The following PTBP2 variants were observed in gnomAD, a reference collection of about 807,000 sequenced individuals.
PTBP2 encodes the protein polypyrimidine tract-binding protein 2.
In PTBP2, 13 loss-of-function variants were observed where a neutral mutation model predicts 61.4. The ratio of observed to expected loss-of-function variants is 0.21; its 90% confidence interval spans 0.14 to 0.34. The LOEUF (loss-of-function observed/expected upper bound fraction) is 0.34. PTBP2 is among the 10% of genes least tolerant of loss of function. PTBP2 has a pLI of 1.00. For synonymous variants in PTBP2, 215 were observed against 218.5 expected (o/e 0.98, Z 0.14); for missense variants, 405 against 642.6 (o/e 0.63, Z 4.00).
intron 8 of PTBP2, among the ~76,000 whole-genome samples, chr1:96,791,670 G>C (rs1027945811): frequency 6.6e-6 from 1 of 151,982 alleles, no homozygotes. Flanking sequence ...GATTCGCTAT[G>C]TTTTCTGCCA....
intron 3 of PTBP2, among the ~76,000 whole-genome samples, chr1:96,762,574 C>T (rs575130628): frequency 1.6e-4 from 20 of 128,784 alleles, no homozygotes; most frequent in African/African-American, 5.2e-4. Context: ...CCGGACGGGG[C>T]GGCTGGCCGG....
chr1:96,790,284 A>G (rs1256865666), intron 8 of PTBP2, among the ~76,000 whole-genome samples: 1 of 150,662 alleles, frequency 6.6e-6, no homozygotes, highest in East Asian at 1.9e-4. Context: ...TTTTTTTTGA[A>G]GTGTTTCTTG....
chr1:96,724,961 A>G (rs1020298601), intron 2 of PTBP2, among the ~76,000 whole-genome samples: 1 of 152,242 alleles, frequency 6.6e-6, no homozygotes, highest in African/African-American at 2.4e-5. Flanking sequence ...TCCTATAGTG[A>G]AATAGATATT....
chr1:96,741,669 T>G (rs1653048400), intron 2 of PTBP2, among the ~76,000 whole-genome samples: 1 of 152,208 alleles, frequency 6.6e-6, no homozygotes, highest in Non-Finnish European at 1.5e-5. Flanking sequence ...TGTTTTTCTT[T>G]TAAAAAAACA....
At chr1:96,799,246 C>T (rs1345298965) in intron 8 of PTBP2, among the ~76,000 whole-genome samples, 3 of 149,150 alleles carry the variant, frequency 2.0e-5, no homozygotes, top group Non-Finnish European at 4.4e-5. Flanking sequence ...GTTTATGAAG[C>T]TCTTTTACAT....
intron 8 of PTBP2, 50 bp downstream of exon 8, chr1:96,785,304 A>G: frequency 5.0e-6 from 7 of 1,397,596 alleles, no homozygotes; most frequent in Non-Finnish European, 6.7e-6. Flanking sequence ...GCCAAATGGA[A>G]AAGTACCAGT....
intron 2 of PTBP2, among the ~76,000 whole-genome samples, chr1:96,738,307 G>C (rs1019437291): frequency 6.6e-6 from 1 of 151,886 alleles, no homozygotes; most frequent in Non-Finnish European, 1.5e-5. Flanking sequence ...TTGTTTGTTT[G>C]TTTTGAGATG....
chr1:96,723,530 CAGG>C (rs1267389906), intron 1 of PTBP2, 31 bp from the exon 2 acceptor site: 2 of 1,558,738 alleles, frequency 1.3e-6, no homozygotes, highest in Admixed American at 3.4e-5. Context: ...AGAAGAATAA[CAGG>C]AGGTTGAAAC....
chr1:96,802,554 A>G (rs1388002899), intron 8 of PTBP2, among the ~76,000 whole-genome samples: 1 of 152,196 alleles, frequency 6.6e-6, no homozygotes, highest in Non-Finnish European at 1.5e-5. Flanking sequence ...AAGTGAAACC[A>G]GAAATTAAAG....
chr1:96,754,900 C>T (rs950456159), intron 3 of PTBP2, among the ~76,000 whole-genome samples: 3 of 152,008 alleles, frequency 2.0e-5, no homozygotes, highest in African/African-American at 7.2e-5. Flanking sequence ...ATTATAAAAT[C>T]TCTAGAAAAA....
intron 8 of PTBP2, among the ~76,000 whole-genome samples, chr1:96,792,228 G>GT (rs1229449984): frequency 1.3e-5 from 2 of 152,150 alleles, no homozygotes; most frequent in Non-Finnish European, 2.9e-5. Context: ...GGAGCCAAAA[G>GT]TTTGATGAAT....
rs1173414750 is a variant in PTBP2, at chr1:96,785,053, T to C, written c.709-6T>C. 2 of 1,535,508 alleles carry C rather than the reference T, an allele frequency of 1.3e-6. No individual in the cohort carries two copies. The highest frequency in any genetic ancestry group is 1.4e-5 in the African/African-American group (1 of 70,040). On this transcript the variant is annotated splice_polypyrimidine_tract_variant and splice_region_variant and intron_variant, in intron 7 of 13. Coordinates refer to ENST00000674951, the MANE Select transcript of PTBP2 (RefSeq NM_021190.4). Reference sequence around the variant, plus strand: ...GATTGCTGATATGCTTTATTCACTTTTACAGGCCCTAGATGGTCAGAATAT... The same window carrying C: ...GATTGCTGATATGCTTTATTCACTTCTACAGGCCCTAGATGGTCAGAATAT...
intron 11 of PTBP2, among the ~76,000 whole-genome samples, chr1:96,810,356 C>G (rs187248154): frequency 6.6e-6 from 1 of 152,134 alleles, no homozygotes. Flanking sequence ...GCTCTGTTTA[C>G]TCCTTGTGTA....
chr1:96,805,913 T>G (rs1661458630), intron 9 of PTBP2, among the ~76,000 whole-genome samples: 1 of 152,216 alleles, frequency 6.6e-6, no homozygotes, highest in Non-Finnish European at 1.5e-5. Flanking sequence ...ATTTACTCTT[T>G]GATATAGATG....
At chr1:96,763,758 C>T (rs78585869) in intron 3 of PTBP2, among the ~76,000 whole-genome samples, 240 of 152,094 alleles carry the variant, frequency 1.6e-3, no homozygotes, top group Non-Finnish European at 2.9e-3. Flanking sequence ...TACAAGAAGT[C>T]AGTTTATTTA....
Position 96,812,645 on chromosome 1 carries a change from G to A in PTBP2, c.1172-67G>A, listed in dbSNP as rs376588045. The A allele has an allele frequency of 6.7e-5, 85 of 1,268,318 alleles. 1 individual carries two copies. Among genetic ancestry groups the A allele is most frequent in the South Asian group, 6.1e-4 (43 of 70,746 alleles). The allele number at this position is 1,268,318 out of a possible 1,614,324, so 78.6% of individuals were successfully genotyped here. A position where few individuals can be genotyped will look rare whatever the true frequency, so the allele number is the denominator to read the frequency against. On this transcript the variant is annotated intron_variant, in intron 11 of 13. Transcript: ENST00000674951. ...AAAATTCAAATTTTTAAACTGTTAC[G>A]TTAAAAGAATTATGTTTGTTTTGAG...
chr1:96,761,059 T>C (rs917798868), intron 3 of PTBP2, among the ~76,000 whole-genome samples: 1 of 152,162 alleles, frequency 6.6e-6, no homozygotes, highest in African/African-American at 2.4e-5. Flanking sequence ...AAAGAGTACA[T>C]AGTGTGATTC....
intron 2 of PTBP2, among the ~76,000 whole-genome samples, chr1:96,746,658 C>A (rs1434567864): frequency 4.2e-5 from 6 of 144,522 alleles, no homozygotes; most frequent in Non-Finnish European, 8.9e-5. Context: ...GAGCTATGAT[C>A]GTTCCATTGC....
At chr1:96,812,562 A>T in intron 11 of PTBP2, 150 bp from the exon 12 acceptor site, 1 of 666,460 alleles carries the variant, frequency 1.5e-6, no homozygotes, top group South Asian at 2.1e-5. Context: ...ATGAAAATGT[A>T]CTTAAGTCTT....
Sources: allele counts gnomAD v4.1 joint callset (sites outside exome capture counted in the v4.1 genomes callset), GRCh38; gene constraint gnomAD v4.1.1; transcripts MANE v1.5; gene names NCBI Gene and HGNC (gene_info 2026-07-23, HGNC 2026-07-21).